CAST: variants seen among roughly 807,000 people sequenced by gnomAD.
CAST encodes the protein MIR583 host.
In CAST, 76 loss-of-function variants were observed where a neutral mutation model predicts 119.6. The ratio of observed to expected loss-of-function variants is 0.64; its 90% CI spans 0.53 to 0.77. The LOEUF (loss-of-function observed/expected upper bound fraction) is 0.77. CAST is among the 30% of genes least tolerant of loss of function. The pLI, the probability that CAST is intolerant of heterozygous loss-of-function variation, is 0.00. For synonymous variants in CAST, 319 were observed against 331.6 expected (o/e 0.96, Z 0.41); for missense variants, 953 against 946.5 (o/e 1.01, Z -0.09).
At chr5:96,728,096 C>T (rs1759620611) in intron 6 of CAST, among the ~76,000 whole-genome samples, 1 of 152,170 alleles carries the variant, frequency 6.6e-6, no homozygotes, top group Admixed American at 6.5e-5. Context: ...GGAGGTGAAC[C>T]CCAGGTTGTG....
the CAST span, chr5:96,398,979 T>C: frequency 4.3e-6 from 7 of 1,612,778 alleles, no homozygotes; most frequent in Non-Finnish European, 5.1e-6. Flanking sequence ...CATTTTCTTG[T>C]CCTTCACAAG....
chr5:96,054,320 A>G, the CAST span, among the ~76,000 whole-genome samples: 2 of 152,074 alleles, frequency 1.3e-5, no homozygotes, highest in Non-Finnish European at 2.9e-5. Context: ...AGGCACGATC[A>G]CAGCACACTG....
intron 1 of CAST, among the ~76,000 whole-genome samples, chr5:96,642,573 C>T (rs1051433654): frequency 3.4e-5 from 5 of 147,676 alleles, no homozygotes; most frequent in African/African-American, 1.0e-4. Context: ...CAAGATTTTG[C>T]TCCTGCTGCC....
At chr5:96,356,308 C>A in the CAST span, among the ~76,000 whole-genome samples, 4 of 152,266 alleles carry the variant, frequency 2.6e-5, no homozygotes, top group Non-Finnish European at 4.4e-5. Flanking sequence ...AGGATAATTT[C>A]TTTTGCTGTG....
At chr5:96,079,259 G>A in the CAST span, 1 of 368,576 alleles carries the variant, frequency 2.7e-6, no homozygotes, top group South Asian at 2.1e-5. Flanking sequence ...CACACTCTTT[G>A]TCCTGAGCTC....
chr5:96,739,985 C>A, intron 11 of CAST, 53 bp from the exon 12 acceptor site: 2 of 813,860 alleles, frequency 2.5e-6, no homozygotes, highest in Admixed American at 2.3e-5. Flanking sequence ...ATGCATATAG[C>A]ATTGTCAGGT....
chr5:96,469,901 T>C, the CAST span, among the ~76,000 whole-genome samples: 1 of 136,902 alleles, frequency 7.3e-6, no homozygotes, highest in Non-Finnish European at 1.7e-5. Flanking sequence ...CACACACATA[T>C]ATATAATGTT....
chr5:96,595,971 G>A (rs1264063679), intron 1 of CAST, among the ~76,000 whole-genome samples: 2 of 152,120 alleles, frequency 1.3e-5, no homozygotes, highest in Admixed American at 6.6e-5. Flanking sequence ...CCACTCAGGA[G>A]GGATATACTG....
At chr5:96,679,182 G>A (rs1470656534) in intron 2 of CAST, 1 of 152,100 alleles carries the variant, frequency 6.6e-6, no homozygotes, top group Non-Finnish European at 1.5e-5. Flanking sequence ...GTAATAGAAT[G>A]TTGAAGCTAA....
intron 24 of CAST, among the ~76,000 whole-genome samples, chr5:96,758,461 C>T (rs1329118704): frequency 6.6e-6 from 1 of 152,076 alleles, no homozygotes; most frequent in Non-Finnish European, 1.5e-5. Flanking sequence ...AACTGCAGAA[C>T]CTTTTCTTGT....
chr5:96,470,038 T>C, the CAST span, among the ~76,000 whole-genome samples: 12 of 151,644 alleles, frequency 7.9e-5, no homozygotes, highest in Non-Finnish European at 1.8e-4. Flanking sequence ...TCTACTTTGT[T>C]CTATTTCATT....
At chr5:96,395,267 G>A in the CAST span, among the ~76,000 whole-genome samples, 1 of 152,198 alleles carries the variant, frequency 6.6e-6, no homozygotes, top group Non-Finnish European at 1.5e-5. Flanking sequence ...CTCTATGTAA[G>A]TCTTCTTTTC....
chr5:96,077,730 C>T, the CAST span, among the ~76,000 whole-genome samples: 2 of 152,178 alleles, frequency 1.3e-5, no homozygotes, highest in Non-Finnish European at 2.9e-5. Context: ...GGCTCCCCTT[C>T]TCCTTCTACC....
the CAST span, among the ~76,000 whole-genome samples, chr5:96,049,889 C>CAAAAAAAAAAAAAAAAAAAAAAAAGAA: frequency 2.9e-5 from 1 of 34,188 alleles, no homozygotes; most frequent in African/African-American, 1.0e-4. Context: ...GAACAGGAGG[C>CAAAAAAAAAAAAAAAAAAAAAAAAGAA]AAAAAAAAAA....
the CAST span, among the ~76,000 whole-genome samples, chr5:96,358,480 T>A: frequency 1.3e-5 from 2 of 152,202 alleles, no homozygotes; most frequent in African/African-American, 4.8e-5. Context: ...TGCTATAAAT[T>A]TCCCCCTAAA....
chr5:96,202,340 T>C, the CAST span, among the ~76,000 whole-genome samples: 5 of 152,092 alleles, frequency 3.3e-5, no homozygotes, highest in African/African-American at 1.2e-4. Flanking sequence ...AATACCTACA[T>C]ATAAAAATAA....
At chr5:96,122,871 G>A in the CAST span, among the ~76,000 whole-genome samples, 1 of 152,152 alleles carries the variant, frequency 6.6e-6, no homozygotes, top group African/African-American at 2.4e-5. Context: ...TAACTGTCCA[G>A]CTCATACAGT....
the CAST span, among the ~76,000 whole-genome samples, chr5:96,361,985 C>A: frequency 6.6e-6 from 1 of 151,942 alleles, no homozygotes; most frequent in African/African-American, 2.4e-5. Context: ...CCCTCCCCTT[C>A]CCCACACCCC....
At chr5:96,214,487 A>C in the CAST span, among the ~76,000 whole-genome samples, 1,029 of 152,308 alleles carry the variant, frequency 6.8e-3, 10 homozygotes, top group African/African-American at 0.023. Context: ...AATAAAACAA[A>C]ATTCTAGATC....
Sources: allele counts gnomAD v4.1 joint callset (sites outside exome capture counted in the v4.1 genomes callset), GRCh38; gene constraint gnomAD v4.1.1; transcripts MANE v1.5; gene names NCBI Gene and HGNC (gene_info 2026-07-23, HGNC 2026-07-21).